GRIP1: variants seen among roughly 807,000 people sequenced by gnomAD.
The protein encoded by GRIP1 is glutamate receptor interacting protein 1, also known as glutamate receptor-interacting protein 1.
A neutral mutation model predicts 129.9 loss-of-function variants in GRIP1; 45 were observed. The ratio of observed to expected loss-of-function variants is 0.35; its 90% CI spans 0.27 to 0.44. The LOEUF (loss-of-function observed/expected upper bound fraction) is 0.44, where lower values mean the gene tolerates loss of function less well. GRIP1 is among the 20% of genes least tolerant of loss of function. The pLI is 1.00. For missense variants in GRIP1, 1,196 were observed against 1,396.8 expected (o/e 0.86, Z 2.29); for synonymous variants, 530 against 520.8 (o/e 1.02, Z -0.24).
intron 1 of GRIP1, among the ~76,000 whole-genome samples, chr12:66,924,340 T>A (rs2041261728): frequency 6.6e-6 from 1 of 152,174 alleles, no homozygotes; most frequent in East Asian, 1.9e-4. Flanking sequence ...GCACTATACA[T>A]TAAACAAATT....
At chr12:66,472,356 G>A (rs1473826666) in intron 7 of GRIP1, among the ~76,000 whole-genome samples, 2 of 152,192 alleles carry the variant, frequency 1.3e-5, no homozygotes, top group Non-Finnish European at 2.9e-5. Context: ...AAGGTGGGGA[G>A]TAGTGCTGAA....
intron 1 of GRIP1, among the ~76,000 whole-genome samples, chr12:66,905,986 T>C (rs1195833367): frequency 1.3e-5 from 2 of 152,110 alleles, no homozygotes; most frequent in African/African-American, 2.4e-5. Flanking sequence ...CAGTTCTCGA[T>C]GTGTAAAACA....
chr12:66,420,815 A>T, intron 14 of GRIP1, 26 bp from the exon 15 acceptor site: 1 of 1,218,262 alleles, frequency 8.2e-7, no homozygotes, highest in Non-Finnish European at 1.2e-6. Flanking sequence ...TAGAATAATC[A>T]CATCTTTATA....
At chr12:67,059,887 G>A (rs979571916) in intron 1 of GRIP1, among the ~76,000 whole-genome samples, 1 of 152,166 alleles carries the variant, frequency 6.6e-6, no homozygotes, top group Admixed American at 6.5e-5. Flanking sequence ...AAATGAGAGT[G>A]GGTGTTTAGA....
At chr12:66,964,610 G>A (rs1349981125) in intron 1 of GRIP1, among the ~76,000 whole-genome samples, 1 of 151,960 alleles carries the variant, frequency 6.6e-6, no homozygotes, top group Non-Finnish European at 1.5e-5. Context: ...AGTTTTCCCT[G>A]ATCCCCCCAG....
intron 1 of GRIP1, among the ~76,000 whole-genome samples, chr12:66,998,968 CATTT>C (rs1459547970): frequency 6.6e-6 from 1 of 152,116 alleles, no homozygotes; most frequent in East Asian, 1.9e-4. Context: ...CTTCTCACCT[CATTT>C]GAGTCTAAGC....
At chr12:66,821,855 C>A (rs2039325479) in intron 1 of GRIP1, among the ~76,000 whole-genome samples, 1 of 152,124 alleles carries the variant, frequency 6.6e-6, no homozygotes, top group Non-Finnish European at 1.5e-5. Flanking sequence ...AAAGTAGAGG[C>A]CCTACTGCGA....
intron 1 of GRIP1, among the ~76,000 whole-genome samples, chr12:66,830,575 GA>G (rs1343049019): frequency 6.6e-6 from 1 of 152,148 alleles, no homozygotes; most frequent in Non-Finnish European, 1.5e-5. Flanking sequence ...TTGGCATGAT[GA>G]AACCCCTTTC....
intron 1 of GRIP1, among the ~76,000 whole-genome samples, chr12:67,027,077 C>T (rs1303390674): frequency 1.3e-5 from 2 of 152,196 alleles, no homozygotes; most frequent in Non-Finnish European, 1.5e-5. Flanking sequence ...CACACTCCAC[C>T]ACACAAGGCA....
chr12:66,478,398 G>A (rs1437738170), intron 7 of GRIP1, among the ~76,000 whole-genome samples: 1 of 152,134 alleles, frequency 6.6e-6, no homozygotes, highest in Non-Finnish European at 1.5e-5. Context: ...GAGAGGATGT[G>A]GAGAAATAGG....
At chr12:66,528,139 T>TG (rs1565829951) in intron 5 of GRIP1, among the ~76,000 whole-genome samples, 7 of 114,452 alleles carry the variant, frequency 6.1e-5, no homozygotes, top group African/African-American at 2.5e-4. Context: ...AGTAGGTTTT[T>TG]TTTTTTTTTT....
At chr12:66,365,217 T>C (rs1241660517) in intron 23 of GRIP1, among the ~76,000 whole-genome samples, 1 of 152,144 alleles carries the variant, frequency 6.6e-6, no homozygotes, top group Admixed American at 6.6e-5. Flanking sequence ...AGGCAGATCA[T>C]CTGAGGTTGG....
intron 3 of GRIP1, among the ~76,000 whole-genome samples, chr12:66,539,892 G>A (rs537792288): frequency 5.3e-5 from 8 of 152,194 alleles, no homozygotes; most frequent in East Asian, 1.9e-4. Context: ...GTCAAACTCC[G>A]TTTCTAAACC....
intron 1 of GRIP1, among the ~76,000 whole-genome samples, chr12:66,924,787 G>A (rs998245673): frequency 6.6e-6 from 1 of 152,156 alleles, no homozygotes; most frequent in Non-Finnish European, 1.5e-5. Flanking sequence ...CTAACACGGT[G>A]AAACCCCGTC....
chr12:66,466,254 T>C (rs1311599138), intron 7 of GRIP1, among the ~76,000 whole-genome samples: 2 of 152,224 alleles, frequency 1.3e-5, no homozygotes, highest in East Asian at 1.9e-4. Flanking sequence ...CACTGGTTCA[T>C]AGTGGCCAGT....
At chr12:66,727,546 G>A (rs916532009) in intron 1 of GRIP1, among the ~76,000 whole-genome samples, 1 of 152,188 alleles carries the variant, frequency 6.6e-6, no homozygotes, top group Non-Finnish European at 1.5e-5. Flanking sequence ...CCAGAGATGA[G>A]AAAAACAAAT....
chr12:67,064,688 A>G (rs2043591439), intron 1 of GRIP1, among the ~76,000 whole-genome samples: 1 of 152,222 alleles, frequency 6.6e-6, no homozygotes, highest in Non-Finnish European at 1.5e-5. Flanking sequence ...GATTTGGGAA[A>G]TGAAACAGGC....
chr12:67,059,561 A>G (rs1776121781), intron 1 of GRIP1, among the ~76,000 whole-genome samples: 1 of 152,204 alleles, frequency 6.6e-6, no homozygotes. Context: ...AAATTAGAGA[A>G]CCCAAAATGA....
At chr12:66,453,643 C>A (rs1233362747) in intron 11 of GRIP1, among the ~76,000 whole-genome samples, 1 of 152,188 alleles carries the variant, frequency 6.6e-6, no homozygotes, top group Non-Finnish European at 1.5e-5. Context: ...GTTCTAAACA[C>A]ATATACACAT....
Sources: allele counts gnomAD v4.1 joint callset (sites outside exome capture counted in the v4.1 genomes callset), GRCh38; gene constraint gnomAD v4.1.1; transcripts MANE v1.5; gene names NCBI Gene and HGNC (gene_info 2026-07-23, HGNC 2026-07-21).